The following ZFHX3 variants were observed in gnomAD, a reference collection of about 807,000 sequenced individuals.
ZFHX3 encodes zinc finger homeobox protein 3.
A neutral mutation model predicts 279.1 loss-of-function variants in ZFHX3; 42 were observed. That is an observed-to-expected ratio of 0.15 (90% CI 0.12 to 0.19). The LOEUF (loss-of-function observed/expected upper bound fraction) is 0.19, where lower values mean the gene tolerates loss of function less well. Ranked by LOEUF, ZFHX3 falls within the 10% of genes least tolerant of loss-of-function variation. The pLI is 1.00. For missense variants in ZFHX3, 4,981 were observed against 4,754.0 expected (o/e 1.05, Z -1.40); for synonymous variants, 2,293 against 1,957.8 (o/e 1.17, Z -4.52).
intron 3 of ZFHX3, chr16:73,421,307 G>T (rs557668363): frequency 1.3e-5 from 2 of 152,202 alleles, no homozygotes; most frequent in Non-Finnish European, 2.9e-5. Context: ...TTTTAACAGA[G>T]TGATCACAAT....
At chr16:73,236,193 A>C (rs138889076) in intron 5 of ZFHX3, among the ~76,000 whole-genome samples, 177 of 152,352 alleles carry the variant, frequency 1.2e-3, no homozygotes, top group African/African-American at 3.9e-3. Flanking sequence ...TAAGAGGGAA[A>C]TGCTAATTTA....
At chr16:73,311,293 T>C (rs1257239351) in intron 4 of ZFHX3, among the ~76,000 whole-genome samples, 4 of 148,650 alleles carry the variant, frequency 2.7e-5, no homozygotes, top group Admixed American at 6.7e-5. Flanking sequence ...GACAGAGGAC[T>C]GTTAATAAGT....
At chr16:73,890,240 C>CAA (rs59693506) in intron 1 of ZFHX3, among the ~76,000 whole-genome samples, 19 of 130,114 alleles carry the variant, frequency 1.5e-4, no homozygotes, top group East Asian at 7.1e-4. Flanking sequence ...AAAAAAAAAC[C>CAA]AAAAAAAAAA....
intron 2 of ZFHX3, among the ~76,000 whole-genome samples, chr16:73,514,923 A>C (rs533638836): frequency 6.6e-6 from 1 of 152,032 alleles, no homozygotes; most frequent in African/African-American, 2.4e-5. Flanking sequence ...TCTCTCCCCC[A>C]CATATGCGGT....
intron 3 of ZFHX3, among the ~76,000 whole-genome samples, chr16:73,417,822 A>G (rs1246449012): frequency 6.6e-6 from 1 of 150,804 alleles, no homozygotes; most frequent in Non-Finnish European, 1.5e-5. Context: ...AATAAAAAAT[A>G]AATAAAAAAA....
upstream of ZFHX3, among the ~76,000 whole-genome samples, chr16:73,049,477 A>G (rs1028271801): frequency 6.6e-6 from 1 of 152,270 alleles, no homozygotes; most frequent in Non-Finnish European, 1.5e-5. Flanking sequence ...ATCCCCGTAT[A>G]GAAGGCTTTT....
intron 2 of ZFHX3, among the ~76,000 whole-genome samples, chr16:72,956,956 T>C (rs971720953): frequency 1.3e-5 from 2 of 152,214 alleles, no homozygotes; most frequent in African/African-American, 4.8e-5. Flanking sequence ...ACGTACACTG[T>C]GGTTCCGAAT....
At chr16:73,011,292 T>A (rs1007145279) in intron 1 of ZFHX3, among the ~76,000 whole-genome samples, 1 of 145,988 alleles carries the variant, frequency 6.8e-6, no homozygotes, top group East Asian at 2.0e-4. Flanking sequence ...CCCTGGCTAA[T>A]TTTTTTTTTT....
chr16:73,220,873 AC>A (rs2012391894), intron 5 of ZFHX3, among the ~76,000 whole-genome samples: 1 of 151,772 alleles, frequency 6.6e-6, no homozygotes, highest in South Asian at 2.1e-4. Context: ...AAGTCCCTGA[AC>A]CCTTTTTGGT....
chr16:73,887,619 T>C (rs910523258), intron 1 of ZFHX3, among the ~76,000 whole-genome samples: 4 of 152,004 alleles, frequency 2.6e-5, no homozygotes, highest in South Asian at 2.1e-4. Flanking sequence ...TTAGAGTAGA[T>C]GAATTGGATT....
intron 1 of ZFHX3, among the ~76,000 whole-genome samples, chr16:73,797,836 A>T (rs2729614): frequency 0.45 from 57,346 of 128,290 alleles, 14,058 homozygotes; most frequent in African/African-American, 0.68. Flanking sequence ...TTTTTTGAGA[A>T]GCAATTGCAC....
intron 5 of ZFHX3, among the ~76,000 whole-genome samples, chr16:73,173,820 A>G (rs1266674718): frequency 6.6e-6 from 1 of 152,206 alleles, no homozygotes; most frequent in Non-Finnish European, 1.5e-5. Context: ...GTGGGGGCGC[A>G]GGGCAGTTGC....
chr16:73,251,234 G>T (rs1401285305), intron 5 of ZFHX3, among the ~76,000 whole-genome samples: 1 of 152,086 alleles, frequency 6.6e-6, no homozygotes, highest in East Asian at 1.9e-4. Flanking sequence ...CTTAGTGAGG[G>T]TACTATGGGT....
chr16:73,294,606 C>T (rs2014859175), intron 4 of ZFHX3, among the ~76,000 whole-genome samples: 2 of 151,284 alleles, frequency 1.3e-5, no homozygotes, highest in Non-Finnish European at 3.0e-5. Flanking sequence ...AGGTCAGGAG[C>T]TTGAGACCAG....
chr16:73,646,787 G>C (rs116382078), intron 2 of ZFHX3, among the ~76,000 whole-genome samples: 1,536 of 152,166 alleles, frequency 0.01, 25 homozygotes, highest in African/African-American at 0.033. Flanking sequence ...AATTTCAATA[G>C]ACAATAATCA....
rs116979555 is a variant in ZFHX3 at position 73,324,698 on chromosome 16, A to T, written c.-1290-6362T>A. 2.9e-3 allele frequency among the ~76,000 whole-genome samples: 449 copies of T among 152,310 alleles called. 2 individuals carry two copies. Among genetic ancestry groups the T allele is most frequent in the Non-Finnish European group, 3.1e-3 (213 of 68,018 alleles). ...GGTCAAGGGAGTATTAGGCTTCAGA[A>T]ACTGTACAAATTAGTGAGGCTTCAC... On this transcript the variant is annotated intron_variant, in intron 3 of 17. Transcript: ENST00000641206.
intron 8 of ZFHX3, among the ~76,000 whole-genome samples, chr16:73,072,028 G>T (rs905958893): frequency 2.0e-5 from 3 of 152,212 alleles, no homozygotes; most frequent in African/African-American, 7.2e-5. Flanking sequence ...AGGGTCACAT[G>T]AGAGTGAGAC....
At chr16:73,615,883 G>T (rs2052296446) in intron 2 of ZFHX3, among the ~76,000 whole-genome samples, 1 of 152,094 alleles carries the variant, frequency 6.6e-6, no homozygotes, top group African/African-American at 2.4e-5. Context: ...TTCAACACTC[G>T]CCTGTTCCCC....
In ZFHX3 at chr16:72,798,407, G is replaced by C. The variant is rs998585271; in HGVS notation, c.4275C>G (p.Ile1425Met). The C allele has an allele frequency of 3.7e-6, 6 of 1,614,110 alleles. No individual in the cohort carries two copies. In the Admixed American group the frequency reaches 6.7e-5, roughly 18 times the overall value. ...KLQLHSQYHV[I>M]RAATMCCLCQ... The stretch of plus-strand genomic sequence containing the variant: ...AAAGACAGCACATGGTGGCAGCTCT[G>C]ATCACATGGTACTGAGAATGGAGCT... Residue 1425 changes from isoleucine (I) to methionine (M), a missense_variant, in exon 9 of 10, where the codon ATC becomes ATG. Ile to Met is a conservative substitution (Grantham distance 10, BLOSUM62 1). This residue lies in a region of ZFHX3 where 1,751 missense variants were observed against 1,770.0 expected (regional missense o/e 0.99). Coordinates refer to ENST00000268489, the MANE Select transcript of ZFHX3 (RefSeq NM_006885.4).
Sources: allele counts gnomAD v4.1 joint callset (sites outside exome capture counted in the v4.1 genomes callset), GRCh38; gene constraint gnomAD v4.1.1; regional missense constraint gnomAD v4.1.1; transcripts MANE v1.5; gene names NCBI Gene and HGNC (gene_info 2026-07-23, HGNC 2026-07-21).